The following SPMIP2 variants were observed in gnomAD, a reference collection of about 807,000 sequenced individuals.
SPMIP2 encodes sperm microtubule inner protein 2, also known as protein SPMIP2.
At chr4:159,066,084 T>G in the SPMIP2 span, among the ~76,000 whole-genome samples, 3 of 152,342 alleles carry the variant, frequency 2.0e-5, no homozygotes, top group African/African-American at 7.2e-5. Flanking sequence ...AGATATTGTC[T>G]AATTCAAAAT....
the SPMIP2 span, among the ~76,000 whole-genome samples, chr4:158,954,637 G>A: frequency 2.0e-5 from 3 of 152,168 alleles, no homozygotes; most frequent in African/African-American, 7.2e-5. Flanking sequence ...ATTCCAAAGA[G>A]CTAAAGAAGT....
the SPMIP2 span, chr4:159,007,311 G>A: frequency 4.9e-6 from 4 of 814,092 alleles, no homozygotes; most frequent in Non-Finnish European, 8.4e-6. Context: ...GGCCCCACTG[G>A]ACATCTCATC....
the SPMIP2 span, among the ~76,000 whole-genome samples, chr4:158,970,380 A>AT: frequency 2.0e-4 from 30 of 152,010 alleles, no homozygotes; most frequent in Non-Finnish European, 3.5e-4. Context: ...CTACTAAAAA[A>AT]TTTTTTTAAA....
chr4:159,061,732 A>G, the SPMIP2 span, among the ~76,000 whole-genome samples: 630 of 151,488 alleles, frequency 4.2e-3, 4 homozygotes, highest in African/African-American at 0.014. Flanking sequence ...AATTGCTTGA[A>G]CCTGGGTGGC....
chr4:158,945,965 G>T, the SPMIP2 span, among the ~76,000 whole-genome samples: 6 of 152,130 alleles, frequency 3.9e-5, no homozygotes, highest in Middle Eastern at 3.2e-3. Flanking sequence ...ATTTTGTTAG[G>T]TCCAGGAGCT....
chr4:158,944,982 A>T, the SPMIP2 span, among the ~76,000 whole-genome samples: 2 of 152,096 alleles, frequency 1.3e-5, no homozygotes, highest in Non-Finnish European at 2.9e-5. Context: ...CAAAATTTAA[A>T]TTCCTTCCTG....
At chr4:159,033,975 A>C in the SPMIP2 span, among the ~76,000 whole-genome samples, 1 of 152,126 alleles carries the variant, frequency 6.6e-6, no homozygotes, top group African/African-American at 2.4e-5. Flanking sequence ...GTACAAAATA[A>C]ATAAATAAAT....
chr4:158,922,124 G>A, the SPMIP2 span, among the ~76,000 whole-genome samples: 1 of 152,082 alleles, frequency 6.6e-6, no homozygotes, highest in Non-Finnish European at 1.5e-5. Flanking sequence ...TCCTGACCTC[G>A]TGATCTGCCC....
chr4:159,006,521 A>G, the SPMIP2 span, among the ~76,000 whole-genome samples: 1 of 152,190 alleles, frequency 6.6e-6, no homozygotes, highest in Non-Finnish European at 1.5e-5. Flanking sequence ...TACACTCCCT[A>G]CAGGATATGT....
the SPMIP2 span, among the ~76,000 whole-genome samples, chr4:159,033,551 T>C: frequency 6.6e-6 from 1 of 152,286 alleles, no homozygotes; most frequent in South Asian, 2.1e-4. Context: ...ACAACCTTAC[T>C]GAAGAGGCTA....
the SPMIP2 span, among the ~76,000 whole-genome samples, chr4:158,910,345 C>G: frequency 6.6e-6 from 1 of 151,490 alleles, no homozygotes; most frequent in Non-Finnish European, 1.5e-5. Flanking sequence ...ACGTTCTTGG[C>G]TCACTGCAAC....
At chr4:159,048,354 T>C in the SPMIP2 span, among the ~76,000 whole-genome samples, 1 of 152,236 alleles carries the variant, frequency 6.6e-6, no homozygotes, top group Non-Finnish European at 1.5e-5. Flanking sequence ...GCCGTCATTG[T>C]GCTGCTCTCA....
At chr4:158,988,113 G>C in the SPMIP2 span, among the ~76,000 whole-genome samples, 129 of 152,026 alleles carry the variant, frequency 8.5e-4, no homozygotes, top group Non-Finnish European at 2.9e-5. Context: ...ACTATAAACA[G>C]CTGTACGCAA....
chr4:158,964,938 C>G, the SPMIP2 span, among the ~76,000 whole-genome samples: 1 of 152,190 alleles, frequency 6.6e-6, no homozygotes, highest in African/African-American at 2.4e-5. Context: ...CAACTACCTC[C>G]CACCAGGTCC....
At chr4:159,076,796 T>A in the SPMIP2 span, among the ~76,000 whole-genome samples, 2 of 151,494 alleles carry the variant, frequency 1.3e-5, no homozygotes, top group Non-Finnish European at 2.9e-5. Context: ...GCCTCCAGAG[T>A]CGCTGGGATT....
chr4:159,026,368 C>A, the SPMIP2 span: 1 of 754,190 alleles, frequency 1.3e-6, no homozygotes, highest in Non-Finnish European at 2.3e-6. Context: ...CAAAAAAACT[C>A]AGACTCTCTA....
chr4:159,023,439 C>T, the SPMIP2 span, among the ~76,000 whole-genome samples: 1 of 152,322 alleles, frequency 6.6e-6, no homozygotes, highest in South Asian at 2.1e-4. Context: ...CTCATAATCA[C>T]ATGAGCCAAT....
At chr4:158,896,248 T>A in the SPMIP2 span, among the ~76,000 whole-genome samples, 1 of 151,860 alleles carries the variant, frequency 6.6e-6, no homozygotes, top group African/African-American at 2.4e-5. Context: ...GGAGGAGGAG[T>A]AGGTTGGCAC....
chr4:158,907,912 T>TTGA, the SPMIP2 span: 1 of 152,194 alleles, frequency 6.6e-6, no homozygotes, highest in African/African-American at 2.4e-5. Context: ...ATAAGAGAAA[T>TTGA]TGATAGGACT....
Sources: gnomAD v4.1 joint callset for allele counts (sites outside exome capture counted in the v4.1 genomes callset) on GRCh38, gnomAD v4.1.1 for gene constraint, MANE v1.5 for transcripts, NCBI Gene and HGNC (gene_info 2026-07-23, HGNC 2026-07-21) for gene names.